The following LRRC4C variants were observed in gnomAD, a reference collection of about 807,000 sequenced individuals.
LRRC4C encodes the protein leucine rich repeat containing 4C.
A neutral mutation model predicts 33.6 loss-of-function variants in LRRC4C; 5 were observed. The observed-to-expected ratio is 0.15, with a 90% CI of 0.08 to 0.31. The LOEUF (loss-of-function observed/expected upper bound fraction) is 0.31. LRRC4C is among the 10% of genes least tolerant of loss of function. LRRC4C has a pLI of 1.00. For missense variants in LRRC4C, 560 were observed against 796.7 expected, an observed-to-expected ratio of 0.70 and a Z score of 3.58; for synonymous variants, 329 against 302.0, an observed-to-expected ratio of 1.09 and a Z score of -0.93.
chr11:41,050,601 GT>G (rs1052411724), intron 1 of LRRC4C, among the ~76,000 whole-genome samples: 1 of 152,058 alleles, frequency 6.6e-6, no homozygotes, highest in Non-Finnish European at 1.5e-5. Flanking sequence ...CTTCATCCTT[GT>G]CCCCACTAAG....
chr11:40,724,474 C>A (rs1299744198), intron 2 of LRRC4C, among the ~76,000 whole-genome samples: 1 of 152,096 alleles, frequency 6.6e-6, no homozygotes, highest in African/African-American at 2.4e-5. Flanking sequence ...CACACAACTG[C>A]ATGAAATCTA....
intron 2 of LRRC4C, among the ~76,000 whole-genome samples, chr11:40,912,183 G>A (rs1808957718): frequency 6.6e-6 from 1 of 152,096 alleles, no homozygotes; most frequent in South Asian, 2.1e-4. Context: ...TCAAATTCAG[G>A]AAATACAGAG....
chr11:40,482,810 T>C (rs891482260), intron 3 of LRRC4C, among the ~76,000 whole-genome samples: 1 of 152,058 alleles, frequency 6.6e-6, no homozygotes, highest in Admixed American at 6.6e-5. Context: ...AGAACCTAAA[T>C]AAAATGAATT....
At chr11:41,163,925 C>T (rs1187355965) in intron 1 of LRRC4C, among the ~76,000 whole-genome samples, 2 of 152,038 alleles carry the variant, frequency 1.3e-5, no homozygotes, top group East Asian at 3.9e-4. Context: ...ACTTCAAAAA[C>T]TTTTTTATTT....
intron 3 of LRRC4C, among the ~76,000 whole-genome samples, chr11:40,541,776 A>G (rs1026402380): frequency 1.1e-4 from 16 of 152,140 alleles, no homozygotes; most frequent in Non-Finnish European, 1.5e-5. Context: ...CCTAACCTTG[A>G]TGTTTTCCCT....
In LRRC4C at chr11:40,833,325, G is replaced by T. The variant is rs558323876; in HGVS notation, c.-407+100310C>A. 2.6e-5 allele frequency among the ~76,000 whole-genome samples: 4 copies of T among 152,020 alleles called. No homozygotes were observed. In the South Asian group the frequency reaches 8.3e-4, roughly 32 times the overall value. On this transcript the variant is annotated intron_variant, in intron 2 of 6. Transcript: ENST00000528697. Reference sequence around the variant, plus strand: ...CCCAGTGCTGTTCAATAAAAATATTGTATGAGACATTGATAAAATGTAAAT... The same window carrying T: ...CCCAGTGCTGTTCAATAAAAATATTTTATGAGACATTGATAAAATGTAAAT...
At chr11:40,869,642 C>T (rs533363625) in intron 2 of LRRC4C, among the ~76,000 whole-genome samples, 36 of 152,166 alleles carry the variant, frequency 2.4e-4, no homozygotes, top group Admixed American at 2.0e-3. Flanking sequence ...GTGTTTACAG[C>T]GTCAGTAAAC....
chr11:41,318,149 T>G (rs1950850690), intron 1 of LRRC4C, among the ~76,000 whole-genome samples: 1 of 152,222 alleles, frequency 6.6e-6, no homozygotes, highest in Non-Finnish European at 1.5e-5. Flanking sequence ...AATCCCATTT[T>G]GAATATTTCC....
intron 3 of LRRC4C, among the ~76,000 whole-genome samples, chr11:40,439,787 T>C (rs559682322): frequency 1.3e-5 from 2 of 152,260 alleles, no homozygotes; most frequent in African/African-American, 2.4e-5. Context: ...AAGTAGTTAC[T>C]ACTACTAACA....
intron 2 of LRRC4C, among the ~76,000 whole-genome samples, chr11:40,720,722 CTT>C (rs886084890): frequency 3.6e-4 from 55 of 152,272 alleles, no homozygotes; most frequent in African/African-American, 1.3e-3. Context: ...CGATTAGACT[CTT>C]TCTATTTTTC....
At chr11:41,160,685 ATTTAAAAAT>A (rs1944430525) in intron 1 of LRRC4C, among the ~76,000 whole-genome samples, 1 of 152,188 alleles carries the variant, frequency 6.6e-6, no homozygotes, top group African/African-American at 2.4e-5. Flanking sequence ...ATAAAAATAA[ATTTAAAAAT>A]AGTGATAATA....
At chr11:40,595,275 T>C (rs1959208575) in intron 3 of LRRC4C, among the ~76,000 whole-genome samples, 1 of 151,988 alleles carries the variant, frequency 6.6e-6, no homozygotes, top group East Asian at 1.9e-4. Context: ...TAAATATAAA[T>C]TAGGACGGTA....
intron 1 of LRRC4C, among the ~76,000 whole-genome samples, chr11:41,369,325 A>G (rs1039226453): frequency 3.9e-5 from 6 of 152,130 alleles, no homozygotes; most frequent in Non-Finnish European, 4.4e-5. Flanking sequence ...AAGAGTAACA[A>G]TTGAGATCAG....
chr11:41,082,132 A>C (rs1178162766), intron 1 of LRRC4C, among the ~76,000 whole-genome samples: 1 of 152,092 alleles, frequency 6.6e-6, no homozygotes, highest in Non-Finnish European at 1.5e-5. Context: ...TGTGCACCTT[A>C]AATCAGTTCC....
chr11:41,252,177 C>A (rs1219001684), intron 1 of LRRC4C, among the ~76,000 whole-genome samples: 1 of 152,022 alleles, frequency 6.6e-6, no homozygotes, highest in African/African-American at 2.4e-5. Context: ...AAACAAAAAG[C>A]AGGAGGGTTT....
intron 4 of LRRC4C, among the ~76,000 whole-genome samples, chr11:40,273,560 A>C (rs1174461022): frequency 6.6e-6 from 1 of 152,146 alleles, no homozygotes; most frequent in East Asian, 1.9e-4. Context: ...GTTCCAAGAA[A>C]AGGCCTCTTT....
chr11:40,484,710 A>G (rs550052743), intron 3 of LRRC4C, among the ~76,000 whole-genome samples: 1 of 152,244 alleles, frequency 6.6e-6, no homozygotes, highest in East Asian at 1.9e-4. Context: ...CTAAATGTAT[A>G]TAAAATTTCT....
chr11:40,619,982 C>G (rs1220199866), intron 3 of LRRC4C, among the ~76,000 whole-genome samples: 1 of 142,538 alleles, frequency 7.0e-6, no homozygotes. Flanking sequence ...GTGTGTTAGC[C>G]AACAAATGCA....
chr11:41,327,622 G>T (rs988793450), intron 1 of LRRC4C, among the ~76,000 whole-genome samples: 6 of 152,120 alleles, frequency 3.9e-5, no homozygotes, highest in African/African-American at 1.2e-4. Context: ...TTAGTGATAT[G>T]GTTTGGCTGT....
Sources: allele counts gnomAD v4.1 joint callset (sites outside exome capture counted in the v4.1 genomes callset), GRCh38; gene constraint gnomAD v4.1.1; transcripts MANE v1.5; gene names NCBI Gene and HGNC (gene_info 2026-07-23, HGNC 2026-07-21).